PFKFB2: variants seen among roughly 807,000 people sequenced by gnomAD.
PFKFB2 encodes 6-phosphofructo-2-kinase/fructose-2,6-biphosphatase 2.
In PFKFB2, 53 loss-of-function variants were observed where a neutral mutation model predicts 68.0. The observed-to-expected ratio is 0.78, with a 90% CI of 0.63 to 0.98. PFKFB2 has a LOEUF of 0.98. Among genes scored for constraint, PFKFB2 ranks in the 50% least tolerant of loss-of-function variants. The pLI is 0.00. For missense variants in PFKFB2, 451 were observed against 642.0 expected, an observed-to-expected ratio of 0.70 and a Z score of 3.22; for synonymous variants, 222 against 227.6, an observed-to-expected ratio of 0.98 and a Z score of 0.22.
chr1:207,034,641 T>C (rs1558049466), intron 1 of PFKFB2, among the ~76,000 whole-genome samples: 8 of 152,172 alleles, frequency 5.3e-5, no homozygotes, highest in Admixed American at 4.6e-4. Flanking sequence ...AGCAGGGACA[T>C]AGACAAAAAT....
intron 12 of PFKFB2, 136 bp from the exon 13 acceptor site, chr1:207,071,052 G>C (rs1267859887): frequency 1.4e-6 from 1 of 697,534 alleles, no homozygotes; most frequent in Non-Finnish European, 2.5e-6. Context: ...GGGGTTTAAG[G>C]GAGGAGTTGT....
At chr1:207,044,424 G>A (rs1034350065) in intron 2 of PFKFB2, 4 of 152,364 alleles carry the variant, frequency 2.6e-5, no homozygotes, top group African/African-American at 4.8e-5. Context: ...AGTAACTTAC[G>A]GGCTAATTAC....
chr1:207,072,816 A>G lies in PFKFB2; in HGVS notation c.*445A>G. ...ATTTTTCCTTCACTTTTGTCTCTTC[A>G]ATGTGTGTTTTCCTCACACTCCTTA... On this transcript the variant is annotated 3_prime_UTR_variant, in exon 15 of 15. Coordinates refer to ENST00000367080, the MANE Select transcript of PFKFB2 (RefSeq NM_006212.2). The G allele has an allele frequency of 1.0e-6, 1 of 993,336 alleles. No homozygotes were observed. Among genetic ancestry groups the G allele is most frequent in the Non-Finnish European group, 1.2e-6 (1 of 835,158 alleles). 61.5% of individuals were successfully genotyped at this position (993,336 alleles called of 1,614,324 possible). A position where few individuals can be genotyped will look rare whatever the true frequency, so the allele number is the denominator to read the frequency against.
chr1:207,068,074 G>C, intron 9 of PFKFB2, 89 bp from the exon 10 acceptor site: 1 of 1,183,316 alleles, frequency 8.5e-7, no homozygotes. Context: ...AAGTTAGCAG[G>C]CTTTGTGTAT....
chr1:207,072,733 A>G lies in PFKFB2; in HGVS notation c.*362A>G, dbSNP rs999466810. 9.8e-6 allele frequency: 10 copies of G among 1,023,358 alleles called. No homozygotes were observed. Among genetic ancestry groups the G allele is most frequent in the Non-Finnish European group, 1.2e-5 (10 of 855,274 alleles). 63.4% of individuals were successfully genotyped at this position (1,023,358 alleles called of 1,614,324 possible). A position where few individuals can be genotyped will look rare whatever the true frequency, so the allele number is the denominator to read the frequency against. On this transcript the variant is annotated 3_prime_UTR_variant, in exon 15 of 15. Coordinates refer to ENST00000367080, the MANE Select transcript of PFKFB2 (RefSeq NM_006212.2). ...CCCTGGTGTCTTCACTAATGTCCTC[A>G]TGTTGGTGAAGTGTTGGGGGATGGA...
chr1:207,050,562 C>T, upstream of PFKFB2: 1 of 1,267,300 alleles, frequency 7.9e-7, no homozygotes, highest in Non-Finnish European at 1.1e-6. Flanking sequence ...TTGATCTATC[C>T]TCGCCCCTGG....
At chr1:207,050,701 C>T (rs899534401), upstream of PFKFB2, 10 of 1,612,994 alleles carry the variant, frequency 6.2e-6, no homozygotes, top group Non-Finnish European at 8.5e-6. Flanking sequence ...ATTGGATGGG[C>T]AAGTCTTCCA....
chr1:207,042,026 T>A (rs575105147), intron 1 of PFKFB2: 1 of 152,246 alleles, frequency 6.6e-6, no homozygotes, highest in South Asian at 2.1e-4. Context: ...GTAAGTTTAC[T>A]TTGCAACAAT....
chr1:207,073,277 T>C lies in PFKFB2; in HGVS notation c.*906T>C. On this transcript the variant is annotated 3_prime_UTR_variant, in exon 15 of 15. Coordinates refer to ENST00000367080, the MANE Select transcript of PFKFB2 (RefSeq NM_006212.2). The stretch of plus-strand genomic sequence containing the variant: ...GGGTTTAGGAGAGTAGGGTGGGCTC[T>C]AGCTCTTGCAGGGCTCTTAGAGAGC... 1 of 985,438 alleles carries C rather than the reference T, an allele frequency of 1.0e-6. No individual in the cohort carries two copies. The highest frequency in any genetic ancestry group is 1.2e-6 in the Non-Finnish European group (1 of 829,912). The allele number at this position is 985,438 out of a possible 1,614,324, so 61.0% of individuals were successfully genotyped here.
At chr1:207,079,102 A>G, downstream of PFKFB2, 1 of 1,225,408 alleles carries the variant, frequency 8.2e-7, no homozygotes, top group Non-Finnish European at 1.2e-6. Flanking sequence ...AGAGGCTAGA[A>G]CAGGAAGTTA....
chr1:207,045,615 A>T (rs1682581048), intron 2 of PFKFB2: 1 of 151,654 alleles, frequency 6.6e-6, no homozygotes, highest in African/African-American at 2.4e-5. Context: ...AAAAAAAATC[A>T]CTCTTGCTTA....
intron 2 of PFKFB2, among the ~76,000 whole-genome samples, chr1:207,055,948 T>C (rs960354060): frequency 6.6e-6 from 1 of 152,200 alleles, no homozygotes; most frequent in African/African-American, 2.4e-5. Context: ...AAGGGCAGAA[T>C]ACCCCATGAG....
intron 2 of PFKFB2, chr1:207,046,385 AAAAC>A (rs1487576080): frequency 2.0e-5 from 3 of 152,112 alleles, no homozygotes; most frequent in Non-Finnish European, 2.9e-5. Context: ...AAAAAATGAA[AAAAC>A]AAACAAACAA....
At position 207,072,665 on chromosome 1, in the gene PFKFB2, T is replaced by C; in HGVS notation, c.*294T>C. The C allele has an allele frequency of 1.7e-6, 2 of 1,154,610 alleles. 1 individual carries two copies. Among genetic ancestry groups the C allele is most frequent in the Non-Finnish European group, 2.1e-6 (2 of 935,722 alleles). 71.5% of individuals were successfully genotyped at this position (1,154,610 alleles called of 1,614,324 possible). ...AGGAGGAGGAAAAAGATACACTCCC[T>C]TGGGGCTGAGCATGCCCCACACTCT... On this transcript the variant is annotated 3_prime_UTR_variant, in exon 15 of 15. Coordinates refer to ENST00000367080, the MANE Select transcript of PFKFB2 (RefSeq NM_006212.2).
chr1:207,049,065 C>T, upstream of PFKFB2: 3 of 1,613,956 alleles, frequency 1.9e-6, no homozygotes, highest in Middle Eastern at 4.9e-4. Context: ...TGGCATGTTC[C>T]CTTGCTTCTG....
upstream of PFKFB2, chr1:207,050,604 C>T (rs1682716597): frequency 1.3e-6 from 2 of 1,578,354 alleles, no homozygotes; most frequent in African/African-American, 2.7e-5. Context: ...TCACAGCCAC[C>T]TTGCCTTGAC....
At chr1:207,068,463 G>T (rs1047416649) in intron 10 of PFKFB2, among the ~76,000 whole-genome samples, 154 bp downstream of exon 10, 1 of 152,144 alleles carries the variant, frequency 6.6e-6, no homozygotes, top group Non-Finnish European at 1.5e-5. Context: ...GGGGATCAGG[G>T]AGGACAATTG....
intron 2 of PFKFB2, among the ~76,000 whole-genome samples, chr1:207,057,335 G>A (rs1263899863): frequency 4.9e-5 from 7 of 143,038 alleles, no homozygotes; most frequent in East Asian, 4.0e-4. Context: ...AAAACTAGCC[G>A]GGCATGGTGG....
intron 9 of PFKFB2, among the ~76,000 whole-genome samples, 155 bp downstream of exon 9, chr1:207,067,861 G>A (rs2243821): frequency 0.12 from 17,618 of 152,182 alleles, 1,122 homozygotes; most frequent in Admixed American, 0.19. Context: ...TGCTCACTGC[G>A]TCTAGCTCTG....
Sources: gnomAD v4.1 joint callset for allele counts (sites outside exome capture counted in the v4.1 genomes callset) on GRCh38, gnomAD v4.1.1 for gene constraint, MANE v1.5 for transcripts, NCBI Gene and HGNC (gene_info 2026-07-23, HGNC 2026-07-21) for gene names.